The following BORCS5 variants were observed in gnomAD, a reference collection of about 807,000 sequenced individuals.
The protein encoded by BORCS5 is BLOC-1 related complex subunit 5.
A neutral mutation model predicts 22.1 loss-of-function variants in BORCS5; 17 were observed. That is an observed-to-expected ratio of 0.77 (90% CI 0.53 to 1.15). The LOEUF (loss-of-function observed/expected upper bound fraction) is 1.15, where lower values mean the gene tolerates loss of function less well. BORCS5 is among the 50% of genes most tolerant of loss of function. BORCS5 has a pLI of 0.00. For synonymous variants in BORCS5, 117 were observed against 99.8 expected, an observed-to-expected ratio of 1.17 and a Z score of -1.03; for missense variants, 247 against 253.2, an observed-to-expected ratio of 0.98 and a Z score of 0.17.
chr12:12,445,036 C>T (rs115284354), intron 3 of BORCS5, among the ~76,000 whole-genome samples: 3 of 152,254 alleles, frequency 2.0e-5, no homozygotes, highest in Non-Finnish European at 2.9e-5. Context: ...AGCCCACGGC[C>T]GAACAATCTT....
At chr12:12,420,326 T>C (rs901977376) in intron 2 of BORCS5, among the ~76,000 whole-genome samples, 4 of 152,258 alleles carry the variant, frequency 2.6e-5, no homozygotes, top group African/African-American at 9.6e-5. Context: ...TTCTTGTTTT[T>C]ATCAGGTTTG....
chr12:12,379,197 T>G (rs1392327815), intron 2 of BORCS5, among the ~76,000 whole-genome samples: 1 of 150,794 alleles, frequency 6.6e-6, no homozygotes, highest in East Asian at 1.9e-4. Flanking sequence ...CTTGACTCAC[T>G]GCAACCTCTG....
intron 3 of BORCS5, among the ~76,000 whole-genome samples, chr12:12,438,377 A>AT (rs1942607660): frequency 7.4e-6 from 1 of 135,920 alleles, no homozygotes; most frequent in Non-Finnish European, 1.5e-5. Flanking sequence ...AAAAAAAAAA[A>AT]AAACGAAAAA....
rs181602065 is a variant in BORCS5, at chr12:12,372,555, C to T, written c.202+11206C>T. 2.5e-3 allele frequency among the ~76,000 whole-genome samples: 388 copies of T among 152,206 alleles called. 2 individuals carry two copies. Among genetic ancestry groups the T allele is most frequent in the Non-Finnish European group, 3.9e-3 (268 of 68,022 alleles). The stretch of plus-strand genomic sequence containing the variant: ...TTAAGGATACCAGACTTTATTCTGG[C>T]ATATACATATGGTTAAGTTACTTGT... On this transcript the variant is annotated intron_variant, in intron 2 of 3. Coordinates refer to ENST00000314565, the MANE Select transcript of BORCS5 (RefSeq NM_058169.6).
At chr12:12,441,467 G>A (rs1041747565) in intron 3 of BORCS5, among the ~76,000 whole-genome samples, 3 of 152,228 alleles carry the variant, frequency 2.0e-5, no homozygotes, top group South Asian at 2.1e-4. Context: ...TCAGGTTTTC[G>A]TGAGGGTTCA....
chr12:12,376,142 G>A (rs1016913284), intron 2 of BORCS5, among the ~76,000 whole-genome samples: 2 of 151,758 alleles, frequency 1.3e-5, no homozygotes, highest in African/African-American at 4.8e-5. Flanking sequence ...GTATATGAAA[G>A]TGTCAGTAAG....
rs1943196219 is a variant in BORCS5 at position 12,466,047 on chromosome 12, T to C, written c.*271T>C. 1 of 398,198 alleles carries C rather than the reference T, an allele frequency of 2.5e-6. No individual in the cohort carries two copies. The highest frequency in any genetic ancestry group is 4.5e-5 in the Admixed American group (1 of 21,982). 24.7% of individuals were successfully genotyped at this position (398,198 alleles called of 1,614,324 possible). A position where few individuals can be genotyped will look rare whatever the true frequency, so the allele number is the denominator to read the frequency against. ...TAGGAATTCTTTGAAGAACTCTGCA[T>C]TGAGAATTATTTTTATTTAGTTTTT... On this transcript the variant is annotated 3_prime_UTR_variant, in exon 4 of 4. Coordinates refer to ENST00000314565, the MANE Select transcript of BORCS5 (RefSeq NM_058169.6).
At position 12,361,263 on chromosome 12, in the gene BORCS5, A is replaced by C. The variant is rs1352444636; in HGVS notation, c.116A>C (p.Gln39Pro). ...ATGGATGATATTGTGGTTGTAGCTC[A>C]GGGCTCCCAGGCCTCACGGAACGTC... ...AKMDDIVVVA[Q>P]GSQASRNVSN... The change falls in exon 2 of 4, where the codon CAG becomes CCG. Residue 39 changes from glutamine (Q) to proline (P), a missense_variant. Gln to Pro is a moderately conservative substitution (Grantham distance 76, BLOSUM62 -1). Transcript: ENST00000314565. 6.2e-7 allele frequency: 1 copy of C among 1,614,174 alleles called. No homozygotes were observed. Among genetic ancestry groups the C allele is most frequent in the Non-Finnish European group, 8.5e-7 (1 of 1,180,018 alleles).
At chr12:12,364,342 C>G (rs915464992) in intron 2 of BORCS5, among the ~76,000 whole-genome samples, 5 of 151,666 alleles carry the variant, frequency 3.3e-5, no homozygotes, top group Non-Finnish European at 7.4e-5. Flanking sequence ...TGCCACTGCA[C>G]TCCAGCCTGG....
chr12:12,385,406 C>T (rs2136049418), intron 2 of BORCS5, among the ~76,000 whole-genome samples: 1 of 151,606 alleles, frequency 6.6e-6, no homozygotes, highest in East Asian at 1.9e-4. Flanking sequence ...GCTTCCTGTT[C>T]TCATTACCTG....
chr12:12,368,283 T>G (rs183431102), intron 2 of BORCS5, among the ~76,000 whole-genome samples: 2,623 of 148,554 alleles, frequency 0.018, 100 homozygotes, highest in East Asian at 0.16. Context: ...TCTGTTTTGT[T>G]TTTTTTTTTT....
chr12:12,423,065 G>A (rs988085530), intron 2 of BORCS5, among the ~76,000 whole-genome samples: 4 of 151,620 alleles, frequency 2.6e-5, no homozygotes, highest in African/African-American at 9.7e-5. Flanking sequence ...GCAGTGGCGT[G>A]ATCTCGACTC....
chr12:12,449,734 GAT>G (rs1479815828), intron 3 of BORCS5, among the ~76,000 whole-genome samples: 3 of 152,198 alleles, frequency 2.0e-5, no homozygotes, highest in Non-Finnish European at 4.4e-5. Flanking sequence ...TGTGGAAATC[GAT>G]GCCGTTCAGC....
intron 2 of BORCS5, among the ~76,000 whole-genome samples, chr12:12,385,916 G>T (rs754563366): frequency 2.6e-5 from 4 of 151,086 alleles, no homozygotes; most frequent in African/African-American, 4.9e-5. Flanking sequence ...TATGAATTAT[G>T]TTCAGCTTTA....
intron 2 of BORCS5, among the ~76,000 whole-genome samples, chr12:12,424,444 C>G (rs186900873): frequency 6.6e-6 from 1 of 152,204 alleles, no homozygotes; most frequent in Admixed American, 6.5e-5. Context: ...GTTTTCTTGG[C>G]TTTCTCCATG....
chr12:12,438,371 A>AAAAAAAAAC (rs1942603166), intron 3 of BORCS5, among the ~76,000 whole-genome samples: 1 of 117,052 alleles, frequency 8.5e-6, no homozygotes, highest in African/African-American at 4.5e-5. Context: ...AAAAAAAAAA[A>AAAAAAAAAC]AAAAAAAAAC....
At position 12,357,160 on chromosome 12, in the gene BORCS5, A is replaced by C. The variant is rs78254869; in HGVS notation, c.-292A>C. 26 of 1,532,294 alleles carry C rather than the reference A, an allele frequency of 1.7e-5. No individual in the cohort carries two copies. The highest frequency in any genetic ancestry group is 2.2e-5 in the Non-Finnish European group (25 of 1,145,376). The allele number at this position is 1,532,294 out of a possible 1,614,324, so 94.9% of individuals were successfully genotyped here. A position where few individuals can be genotyped will look rare whatever the true frequency, so the allele number is the denominator to read the frequency against. ...CCGCCCGCCGGCCGCAGGTGCGGCAAAGCCAGTGTCATCTGCCGGTTCTCT... is the reference window on the plus strand; with the variant it reads ...CCGCCCGCCGGCCGCAGGTGCGGCACAGCCAGTGTCATCTGCCGGTTCTCT... On this transcript the variant is annotated 5_prime_UTR_variant, in exon 1 of 4. Transcript: ENST00000314565.
chr12:12,418,790 AG>A (rs1644821341), intron 2 of BORCS5, among the ~76,000 whole-genome samples: 1 of 152,180 alleles, frequency 6.6e-6, no homozygotes, highest in Non-Finnish European at 1.5e-5. Context: ...ACAAGCATAT[AG>A]TTGGATCAGG....
At chr12:12,364,100 G>A (rs2136018385) in intron 2 of BORCS5, among the ~76,000 whole-genome samples, 3 of 152,268 alleles carry the variant, frequency 2.0e-5, no homozygotes. Context: ...GGAAGGCCAG[G>A]CACAGTGGCT....
Sources: gnomAD v4.1 joint callset for allele counts (sites outside exome capture counted in the v4.1 genomes callset) on GRCh38, gnomAD v4.1.1 for gene constraint, MANE v1.5 for transcripts, NCBI Gene and HGNC (gene_info 2026-07-23, HGNC 2026-07-21) for gene names.